EYS: variants seen among roughly 807,000 people sequenced by gnomAD.
EYS encodes the protein protein eyes shut homolog.
Under a neutral mutation model 282.1 loss-of-function variants are expected in EYS, and 250 were observed. That is an observed-to-expected ratio of 0.89 (90% CI 0.80 to 0.98). The LOEUF is 0.98. Among genes scored for constraint, EYS ranks in the 50% least tolerant of loss-of-function variants. EYS has a pLI of 0.00. For synonymous variants in EYS, 1,355 were observed against 1,282.9 expected, an observed-to-expected ratio of 1.06 and a Z score of -1.20; for missense variants, 4,016 against 3,709.0, an observed-to-expected ratio of 1.08 and a Z score of -2.15.
At chr6:65,571,133 A>G (rs1764464703) in intron 2 of EYS, among the ~76,000 whole-genome samples, 2 of 152,074 alleles carry the variant, frequency 1.3e-5, no homozygotes, top group African/African-American at 2.4e-5. Context: ...GGGCATTTGT[A>G]AAAAAAGACA....
intron 22 of EYS, among the ~76,000 whole-genome samples, chr6:64,660,885 T>C (rs2149887625): frequency 6.6e-6 from 1 of 152,306 alleles, no homozygotes; most frequent in Non-Finnish European, 1.5e-5. Flanking sequence ...TGGAAAAAAC[T>C]ACTTTAAAGT....
At chr6:65,410,376 T>G (rs1260182798) in intron 5 of EYS, among the ~76,000 whole-genome samples, 1 of 152,068 alleles carries the variant, frequency 6.6e-6, no homozygotes, top group Non-Finnish European at 1.5e-5. Context: ...ACCTCATGCC[T>G]TTATCATTTA....
At chr6:64,323,597 C>A (rs1043352187) in intron 29 of EYS, among the ~76,000 whole-genome samples, 2 of 152,062 alleles carry the variant, frequency 1.3e-5, no homozygotes, top group Non-Finnish European at 2.9e-5. Context: ...CCCGACTATA[C>A]TGAAATATAA....
At chr6:65,120,265 C>T (rs1441267188) in intron 12 of EYS, among the ~76,000 whole-genome samples, 1 of 151,432 alleles carries the variant, frequency 6.6e-6, no homozygotes, top group African/African-American at 2.4e-5. Context: ...CTACCTCTTC[C>T]CCATATGAAG....
Position 64,168,408 on chromosome 6 carries a change from C to T in EYS, c.6424+62184G>A, listed in dbSNP as rs144837119. Among the ~76,000 whole-genome samples the T allele has an allele frequency of 1.7e-3, 259 of 152,134 alleles. 2 individuals are homozygous for T. Among genetic ancestry groups the T allele is most frequent in the South Asian group, 0.014 (69 of 4,808 alleles). Reference sequence around the variant, plus strand: ...CTGGGCAAATTCTTAGAAAGTTAAACGTAAGTTTACAATACAAACCAGAGC... The same window carrying T: ...CTGGGCAAATTCTTAGAAAGTTAAATGTAAGTTTACAATACAAACCAGAGC... On this transcript the variant is annotated intron_variant, in intron 31 of 42. Coordinates refer to ENST00000503581, the MANE Select transcript of EYS (RefSeq NM_001142800.2).
chr6:64,038,041 T>G (rs956330698), intron 33 of EYS, among the ~76,000 whole-genome samples: 2 of 152,170 alleles, frequency 1.3e-5, no homozygotes, highest in Admixed American at 1.3e-4. Flanking sequence ...TTCTGATTAG[T>G]GGTCATTTAA....
Position 65,344,094 on chromosome 6 carries a change from T to A in EYS, c.1543A>T (p.Asn515Tyr). 6.2e-7 allele frequency: 1 copy of A among 1,610,912 alleles called. No homozygotes were observed. The highest frequency in any genetic ancestry group is 8.5e-7 in the Non-Finnish European group (1 of 1,178,030). ...GAAGAATTATTATCTTCAGGATCGT[T>A]CACATAGGTTGCATCTTCAGTGCAG... Reference protein sequence around the residue: ...ANCTEDATYVNDPEDNNSSCW... With the variant: ...ANCTEDATYVYDPEDNNSSCW... Residue 515 changes from asparagine to tyrosine, a missense_variant, in exon 10 of 43, where the codon AAC becomes TAC. By Grantham distance (143) the Asn-to-Tyr change is moderately radical. Coordinates refer to ENST00000503581, the MANE Select transcript of EYS (RefSeq NM_001142800.2).
intron 31 of EYS, among the ~76,000 whole-genome samples, chr6:64,224,497 T>C (rs1250034281): frequency 6.6e-6 from 1 of 152,110 alleles, no homozygotes; most frequent in East Asian, 1.9e-4. Context: ...GTCGATTCCA[T>C]ATGTGCCCTG....
intron 26 of EYS, among the ~76,000 whole-genome samples, chr6:64,450,973 C>A (rs1775312295): frequency 6.6e-6 from 1 of 152,036 alleles, no homozygotes; most frequent in South Asian, 2.1e-4. Context: ...CAAACACATT[C>A]AAAAGCTAGC....
intron 12 of EYS, among the ~76,000 whole-genome samples, chr6:65,274,592 T>G (rs1375948818): frequency 6.6e-6 from 1 of 152,214 alleles, no homozygotes; most frequent in East Asian, 1.9e-4. Flanking sequence ...CTGTTTTACC[T>G]CAGGGTTATA....
chr6:65,456,553 G>C (rs896816645), intron 5 of EYS, among the ~76,000 whole-genome samples: 2 of 151,684 alleles, frequency 1.3e-5, no homozygotes, highest in Admixed American at 1.3e-4. Context: ...ATAAAAAAAA[G>C]AACATTCACT....
At chr6:65,401,458 C>T (rs142606609) in intron 7 of EYS, among the ~76,000 whole-genome samples, 86 of 150,526 alleles carry the variant, frequency 5.7e-4, no homozygotes, top group Non-Finnish European at 1.1e-3. Flanking sequence ...CACATTGAGG[C>T]ATAGAAATAG....
At chr6:63,776,015 T>A (rs558456476) in intron 40 of EYS, among the ~76,000 whole-genome samples, 5 of 152,280 alleles carry the variant, frequency 3.3e-5, no homozygotes, top group African/African-American at 1.2e-4. Context: ...ACAATTTTGA[T>A]AAGAAAAATT....
chr6:65,164,382 C>T (rs1561998980), intron 12 of EYS, among the ~76,000 whole-genome samples: 1 of 151,278 alleles, frequency 6.6e-6, no homozygotes, highest in African/African-American at 2.4e-5. Context: ...GAGAAGACTG[C>T]TTAATTCTAC....
intron 22 of EYS, among the ~76,000 whole-genome samples, chr6:64,634,539 C>A (rs1003323510): frequency 1.4e-5 from 1 of 70,832 alleles, no homozygotes; most frequent in African/African-American, 5.3e-5. Flanking sequence ...GTAAGATACC[C>A]TAGCTTCCAA....
intron 22 of EYS, among the ~76,000 whole-genome samples, chr6:64,766,939 G>A (rs1773371094): frequency 6.6e-6 from 1 of 151,408 alleles, no homozygotes; most frequent in Non-Finnish European, 1.5e-5. Context: ...AAGAAAAACT[G>A]AAAAGAAGTC....
intron 26 of EYS, among the ~76,000 whole-genome samples, chr6:64,549,214 G>A (rs1460804941): frequency 6.6e-6 from 1 of 152,178 alleles, no homozygotes; most frequent in African/African-American, 2.4e-5. Flanking sequence ...CATCCACTCA[G>A]TACGTAAAAC....
intron 30 of EYS, among the ~76,000 whole-genome samples, chr6:64,254,865 G>C (rs1016718303): frequency 5.3e-5 from 8 of 152,116 alleles, no homozygotes; most frequent in African/African-American, 1.9e-4. Context: ...CAAAGATTTG[G>C]AAATGTATGA....
At chr6:65,527,144 T>C (rs1767598450) in intron 2 of EYS, among the ~76,000 whole-genome samples, 1 of 152,144 alleles carries the variant, frequency 6.6e-6, no homozygotes, top group Non-Finnish European at 1.5e-5. Flanking sequence ...TGTCCTTAGG[T>C]ACATAAAGGT....
Sources: gnomAD v4.1 joint callset for allele counts (sites outside exome capture counted in the v4.1 genomes callset) on GRCh38, gnomAD v4.1.1 for gene constraint, MANE v1.5 for transcripts, NCBI Gene and HGNC (gene_info 2026-07-23, HGNC 2026-07-21) for gene names.